PLXNA4: variants seen among roughly 807,000 people sequenced by gnomAD.
PLXNA4 encodes plexin A4.
A neutral mutation model predicts 191.8 loss-of-function variants in PLXNA4; 44 were observed. The ratio of observed to expected loss-of-function variants is 0.23; its 90% CI spans 0.18 to 0.29. The LOEUF (loss-of-function observed/expected upper bound fraction) is 0.29. Among genes scored for constraint, PLXNA4 ranks in the 10% least tolerant of loss-of-function variants. PLXNA4 has a pLI of 1.00. For missense variants in PLXNA4, 1,800 were observed against 2,488.8 expected (o/e 0.72, Z 5.89); for synonymous variants, 1,082 against 1,009.5 (o/e 1.07, Z -1.36).
At chr7:132,432,717 G>A (rs1795312225) in intron 3 of PLXNA4, among the ~76,000 whole-genome samples, 1 of 152,076 alleles carries the variant, frequency 6.6e-6, no homozygotes, top group Non-Finnish European at 1.5e-5. Context: ...TTTGGATAGT[G>A]CGTTCACTTT....
intron 3 of PLXNA4, among the ~76,000 whole-genome samples, chr7:132,340,387 C>A (rs748688253): frequency 6.6e-6 from 1 of 152,194 alleles, no homozygotes; most frequent in Non-Finnish European, 1.5e-5. Flanking sequence ...AAGCCTGGTC[C>A]ACCAAGGAGG....
Position 132,125,706 on chromosome 7 carries a change from G to C in PLXNA4, c.*4773C>G, listed in dbSNP as rs1563042771. 1 of 151,700 alleles carries C rather than the reference G, an allele frequency of 6.6e-6. No individual in the cohort carries two copies. The allele number at this position is 151,700 out of a possible 1,614,324, so 9.4% of individuals were successfully genotyped here. ...AGGAAGAGGGGAAGAGGCCCTTGAT[G>C]TAGACGAGGACCAGGAGGGATGGCG... On this transcript the variant is annotated 3_prime_UTR_variant, in exon 32 of 32. Coordinates refer to ENST00000321063, the MANE Select transcript of PLXNA4 (RefSeq NM_020911.2).
chr7:132,615,460 G>A (rs1308324119), intron 2 of PLXNA4, among the ~76,000 whole-genome samples: 5 of 152,166 alleles, frequency 3.3e-5, no homozygotes, highest in Non-Finnish European at 7.4e-5. Context: ...CGCAGTGCCC[G>A]GCCTCAGCGT....
At position 132,276,256 on chromosome 7, in the gene PLXNA4, C is replaced by T. The variant is rs900864802; in HGVS notation, c.1503+21835G>A. Among the ~76,000 whole-genome samples, 7 of 152,304 alleles carry T rather than the reference C, an allele frequency of 4.6e-5. No homozygotes were observed. The South Asian group carries it at 1.2e-3, about 27-fold the overall frequency. ...GGGACTTTCTAAAATTGTTCACACC[C>T]CCAGAAGAGTTTTTCTACCACCTTC... On this transcript the variant is annotated intron_variant, in intron 4 of 31. Transcript: ENST00000321063.
chr7:132,263,707 A>G (rs1799739805), intron 4 of PLXNA4, among the ~76,000 whole-genome samples: 1 of 152,294 alleles, frequency 6.6e-6, no homozygotes, highest in Middle Eastern at 3.4e-3. Context: ...AAATCAAAAG[A>G]CCTGGATTTG....
At chr7:132,157,087 T>A (rs1470323168) in intron 25 of PLXNA4, among the ~76,000 whole-genome samples, 2 of 152,166 alleles carry the variant, frequency 1.3e-5, no homozygotes, top group Non-Finnish European at 2.9e-5. Context: ...GTGGGGATCT[T>A]ATTCCTCCAA....
chr7:132,285,932 C>T (rs538408147), intron 4 of PLXNA4, among the ~76,000 whole-genome samples: 1 of 152,206 alleles, frequency 6.6e-6, no homozygotes, highest in East Asian at 1.9e-4. Flanking sequence ...ACCCACCACC[C>T]CCACCCACAA....
intron 15 of PLXNA4, among the ~76,000 whole-genome samples, chr7:132,186,202 C>T (rs945831678): frequency 6.6e-6 from 1 of 152,136 alleles, no homozygotes; most frequent in Non-Finnish European, 1.5e-5. Flanking sequence ...TTGCTCCTAC[C>T]CCCTAGGCTC....
At chr7:132,252,757 G>A (rs991504056) in intron 4 of PLXNA4, among the ~76,000 whole-genome samples, 4 of 152,248 alleles carry the variant, frequency 2.6e-5, no homozygotes, top group African/African-American at 4.8e-5. Flanking sequence ...CCTAGACACC[G>A]GTGGTTGGCT....
chr7:132,144,308 C>T (rs374127365), intron 29 of PLXNA4, among the ~76,000 whole-genome samples: 5 of 152,158 alleles, frequency 3.3e-5, no homozygotes, highest in African/African-American at 9.7e-5. Context: ...TGCAAGCTTC[C>T]GTACTAAGTG....
rs1483083663 is a variant in PLXNA4, at chr7:132,178,733, T to TACACACACACACACACACAC, written c.3874+953_3874+954insGTGTGTGTGTGTGTGTGTGT. On this transcript the variant is annotated intron_variant, in intron 20 of 31. Coordinates refer to ENST00000321063, the MANE Select transcript of PLXNA4 (RefSeq NM_020911.2). The stretch of plus-strand genomic sequence containing the variant: ...ACACATACACACACACACACACACT[T>TACACACACACACACACACAC]GTAAATGAAACACATACACACACAC... 5.0e-5 allele frequency among the ~76,000 whole-genome samples: 2 copies of TACACACACACACACACACAC among 39,624 alleles called. 1 individual carries two copies. Among genetic ancestry groups the TACACACACACACACACACAC allele is most frequent in the Non-Finnish European group, 8.6e-5 (2 of 23,194 alleles). The allele number at this position is 39,624 out of a possible 152,430, so 26.0% of individuals were successfully genotyped here.
intron 3 of PLXNA4, among the ~76,000 whole-genome samples, chr7:132,448,850 T>C (rs1226926513): frequency 6.6e-6 from 1 of 152,228 alleles, no homozygotes; most frequent in Non-Finnish European, 1.5e-5. Context: ...TAGTTGTCTC[T>C]AGAGATTTCT....
At chr7:132,248,777 G>A (rs1799145070) in intron 4 of PLXNA4, among the ~76,000 whole-genome samples, 1 of 152,220 alleles carries the variant, frequency 6.6e-6, no homozygotes, top group Admixed American at 6.5e-5. Context: ...CCCTCCAGAT[G>A]TGGTCAGCTG....
At chr7:132,637,707 A>G (rs1803636893) in intron 2 of PLXNA4, among the ~76,000 whole-genome samples, 1 of 152,196 alleles carries the variant, frequency 6.6e-6, no homozygotes, top group Admixed American at 6.5e-5. Context: ...CAGAAAATCC[A>G]TCAACAAGCA....
chr7:132,507,891 C>A lies in PLXNA4; in HGVS notation c.803G>T (p.Gly268Val), dbSNP rs775123147. 7 of 1,613,998 alleles carry A rather than the reference C, an allele frequency of 4.3e-6. No homozygotes were observed. The highest frequency in any genetic ancestry group is 3.3e-5 in the Admixed American group (2 of 60,000). Reference sequence around the variant, plus strand: ...ATACACCTGCTCCTTGGTGGTGGAGCCTGGTGGAGACACCATCTCAGGTTG... The same window carrying A: ...ATACACCTGCTCCTTGGTGGTGGAGACTGGTGGAGACACCATCTCAGGTTG... ...TLQPEMVSPP[G>V]STTKEQVYTS... Residue 268 changes from glycine to valine, a missense_variant, in exon 2 of 32, where the codon GGC becomes GTC. Physicochemically the swap from Gly to Val is moderately radical, Grantham distance 109 (BLOSUM62 -3). Around this residue, in one of 6 missense-constraint regions of PLXNA4, gnomAD observed 1,397 missense variants for 1,880.4 expected, o/e 0.74. Transcript: ENST00000321063.
chr7:132,540,846 C>T (rs1235755645), intron 1 of PLXNA4, among the ~76,000 whole-genome samples: 1 of 151,782 alleles, frequency 6.6e-6, no homozygotes, highest in East Asian at 1.9e-4. Flanking sequence ...CTCGGCCTCC[C>T]AAAGTGCTGG....
At chr7:132,479,319 G>C (rs1797249622) in intron 3 of PLXNA4, among the ~76,000 whole-genome samples, 1 of 152,002 alleles carries the variant, frequency 6.6e-6, no homozygotes, top group Non-Finnish European at 1.5e-5. Flanking sequence ...GACTAGGTGA[G>C]GCACTGGGAG....
intron 10 of PLXNA4, among the ~76,000 whole-genome samples, chr7:132,207,105 G>A (rs544250936): frequency 1.2e-4 from 18 of 152,338 alleles, no homozygotes; most frequent in Non-Finnish European, 2.2e-4. Flanking sequence ...GGAAAGTTCT[G>A]CCATTTGGGC....
intron 1 of PLXNA4, among the ~76,000 whole-genome samples, chr7:132,548,437 G>T (rs1479480064): frequency 6.6e-6 from 1 of 152,136 alleles, no homozygotes; most frequent in African/African-American, 2.4e-5. Context: ...AGAGAGCCCA[G>T]GAGTGGGACA....
Sources: allele counts gnomAD v4.1 joint callset (sites outside exome capture counted in the v4.1 genomes callset), GRCh38; gene constraint gnomAD v4.1.1; regional missense constraint gnomAD v4.1.1; transcripts MANE v1.5; gene names NCBI Gene and HGNC (gene_info 2026-07-23, HGNC 2026-07-21).